The following RNASEK variants were observed in gnomAD, a reference collection of about 807,000 sequenced individuals.
The protein encoded by RNASEK is ribonuclease kappa.
A neutral mutation model predicts 11.2 loss-of-function variants in RNASEK; 7 were observed. That is an observed-to-expected ratio of 0.62 (90% CI 0.35 to 1.17). The LOEUF (loss-of-function observed/expected upper bound fraction) is 1.17. RNASEK is among the 50% of genes most tolerant of loss of function. The pLI, the probability that RNASEK is intolerant of heterozygous loss-of-function variation, is 0.02. For missense variants in RNASEK, 101 were observed against 126.7 expected, an observed-to-expected ratio of 0.80 and a Z score of 0.97; for synonymous variants, 46 against 49.5, an observed-to-expected ratio of 0.93 and a Z score of 0.30.
At chr17:7,013,996 G>C in intron 2 of RNASEK, 149 bp from the exon 3 acceptor site, 2 of 781,868 alleles carry the variant, frequency 2.6e-6, no homozygotes, top group East Asian at 2.7e-5. Context: ...CTGCAAAATG[G>C]CTATGACAGA....
chr17:7,013,147 CTG>C (rs1444285388), intron 1 of RNASEK: 21 of 504,172 alleles, frequency 4.2e-5, no homozygotes, highest in Non-Finnish European at 6.6e-5. Flanking sequence ...AAAAAGGGAA[CTG>C]GAGCGGAGGG....
chr17:7,014,380 TC>T lies in RNASEK; in HGVS notation c.*95del. The T allele has an allele frequency of 1.5e-6, 2 of 1,378,920 alleles. No homozygotes were observed. 85.4% of individuals were successfully genotyped at this position (1,378,920 alleles called of 1,614,324 possible). On this transcript the variant is annotated 3_prime_UTR_variant, in exon 3 of 3. Coordinates refer to ENST00000593646, the MANE Select transcript of RNASEK (RefSeq NM_001004333.5). This position sits in a 1 kb window ranked among gnomAD's most constrained non-coding sequence, Gnocchi z 4.5. ...TCGCGTCCCACCCTTGCCGGCGCCCTCTGCGGGACTGGGTTTCCCGGGCGAG... is the reference window on the plus strand; with the variant it reads ...TCGCGTCCCACCCTTGCCGGCGCCCTTGCGGGACTGGGTTTCCCGGGCGAG...
At position 7,013,856 on chromosome 17, in the gene RNASEK, G is replaced by C; in HGVS notation, c.155+114G>C. 4 of 908,054 alleles carry C rather than the reference G, an allele frequency of 4.4e-6. No individual in the cohort carries two copies. In the South Asian group the frequency reaches 5.4e-5, roughly 12 times the overall value. 56.2% of individuals were successfully genotyped at this position (908,054 alleles called of 1,614,324 possible). A position where few individuals can be genotyped will look rare whatever the true frequency, so the allele number is the denominator to read the frequency against. On this transcript the variant is annotated intron_variant, in intron 2 of 2. Transcript: ENST00000593646. ...TAGGGCCCCTAGGTTAGAGGACTTG[G>C]AGAGGAGAGCGGCTTTCTTGAGAAT...
intron 1 of RNASEK, chr17:7,013,360 A>C (rs1475289178): frequency 3.3e-6 from 5 of 1,530,282 alleles, no homozygotes; most frequent in Non-Finnish European, 4.4e-6. Context: ...GATATGAAGA[A>C]GTGCCGGTTC....
rs1464407241 is a variant in RNASEK at position 7,013,432 on chromosome 17, G to A, written c.79-234G>A. 4 of 1,536,606 alleles carry A rather than the reference G, an allele frequency of 2.6e-6. No individual in the cohort carries two copies. In the East Asian group the frequency reaches 7.3e-5, roughly 28 times the overall value. On this transcript the variant is annotated intron_variant, in intron 1 of 2. Transcript: ENST00000593646. ...GCCTCCAGAGAGGACGATAATCTGG[G>A]TTCCTGGGAGAGATGGCTTGGTCAC...
At chr17:7,013,540 C>T in intron 1 of RNASEK, 126 bp from the exon 2 acceptor site, 2 of 1,606,668 alleles carry the variant, frequency 1.2e-6, no homozygotes, top group Middle Eastern at 1.7e-4. Flanking sequence ...AATCCAGTAA[C>T]CACCACCTCG....
At chr17:7,013,049 CG>C (rs1473596616) in intron 1 of RNASEK, 2 of 464,052 alleles carry the variant, frequency 4.3e-6, no homozygotes, top group Non-Finnish European at 7.7e-6. Context: ...CGCTTGAATC[CG>C]GGAGGCGGAG....
In RNASEK at chr17:7,013,111, C is replaced by A. The variant is rs148138809; in HGVS notation, c.78+350C>A. 2.1e-3 allele frequency: 942 copies of A among 448,286 alleles called. 5 individuals are homozygous for A. Among genetic ancestry groups the A allele is most frequent in the African/African-American group, 0.014 (702 of 50,244 alleles). 27.8% of individuals were successfully genotyped at this position (448,286 alleles called of 1,614,324 possible). A position where few individuals can be genotyped will look rare whatever the true frequency, so the allele number is the denominator to read the frequency against. ...CTGCACTCCAGCCTGGGTGACAGAG[C>A]GAGACTCCGTCCCCAAAGAAAAAGA... On this transcript the variant is annotated intron_variant, in intron 1 of 2. Transcript: ENST00000593646.
intron 1 of RNASEK, 93 bp from the exon 2 acceptor site, chr17:7,013,573 G>A (rs903409739): frequency 1.9e-6 from 3 of 1,606,018 alleles, no homozygotes; most frequent in Non-Finnish European, 2.6e-6. Context: ...TCAGGCTCGG[G>A]TGTTGTAGCA....
At chr17:7,013,357 A>G (rs1909562975) in intron 1 of RNASEK, 1 of 1,530,054 alleles carries the variant, frequency 6.5e-7, no homozygotes, top group Admixed American at 2.0e-5. Context: ...AATGATATGA[A>G]GAAGTGCCGG....
intron 1 of RNASEK, chr17:7,013,224 CG>C: frequency 1.1e-6 from 1 of 905,804 alleles, no homozygotes; most frequent in Non-Finnish European, 1.6e-6. Flanking sequence ...GAAACAAGAG[CG>C]GGGTGCCTGA....
At position 7,014,104 on chromosome 17, in the gene RNASEK, C is replaced by T; in HGVS notation, c.156-41C>T. 2 of 1,545,592 alleles carry T rather than the reference C, an allele frequency of 1.3e-6. No individual in the cohort carries two copies. The highest frequency in any genetic ancestry group is 2.4e-5 in the East Asian group (1 of 40,874). On this transcript the variant is annotated intron_variant, in intron 2 of 2. Coordinates refer to ENST00000593646, the MANE Select transcript of RNASEK (RefSeq NM_001004333.5). This position sits in a 1 kb window ranked among gnomAD's most constrained non-coding sequence, Gnocchi z 4.5. ...ACATAGTGCTCAGAAAATGTTGGCT[C>T]CTATTAAAGTTTGACCCCTTTGCTT... is the stretch of plus-strand genomic sequence containing the variant.
intron 1 of RNASEK, chr17:7,013,350 G>A (rs1184985360): frequency 3.3e-6 from 5 of 1,528,460 alleles, no homozygotes; most frequent in East Asian, 4.9e-5. Context: ...AAGAAGAAAT[G>A]ATATGAAGAA....
chr17:7,013,866 C>T, intron 2 of RNASEK, 124 bp downstream of exon 2: 2 of 859,218 alleles, frequency 2.3e-6, no homozygotes, highest in Non-Finnish European at 3.9e-6. Context: ...GAGAGGAGAG[C>T]GGCTTTCTTG....
rs758855861 is a variant in RNASEK, at chr17:7,012,741, GC to G, written c.60del (p.Trp21GlyfsTer3). The stretch of plus-strand genomic sequence containing the variant: ...GGCCGCCTGCGGCATCGTCCTCAGC[GC>G]CTGGGGAGTGATCATGTTGGTGAGG... ...KLAACGIVLSAWGVIMLIMLG... is the reference protein window; with the variant it reads ...KLAACGIVLSXWGVIMLIMLG... On this transcript the variant is annotated frameshift_variant, in exon 1 of 3. Coordinates refer to ENST00000593646, the MANE Select transcript of RNASEK (RefSeq NM_001004333.5). LOFTEE classifies it high-confidence loss of function. 2.5e-6 allele frequency: 4 copies of G among 1,613,018 alleles called. No homozygotes were observed.
intron 2 of RNASEK, 183 bp downstream of exon 2, chr17:7,013,925 C>T (rs561884158): frequency 4.3e-6 from 3 of 699,148 alleles, no homozygotes; most frequent in East Asian, 5.3e-5. Context: ...CCATCCCAAA[C>T]CCACCACCTT....
At chr17:7,013,268 GAA>G (rs1909554152) in intron 1 of RNASEK, 1 of 1,364,334 alleles carries the variant, frequency 7.3e-7, no homozygotes, top group East Asian at 2.5e-5. Context: ...GACATGGGAG[GAA>G]AAGAGAGTGC....
Position 7,013,440 on chromosome 17 carries a change from G to A in RNASEK, c.79-226G>A, listed in dbSNP as rs549383061. On this transcript the variant is annotated intron_variant, in intron 1 of 2. Coordinates refer to ENST00000593646, the MANE Select transcript of RNASEK (RefSeq NM_001004333.5). ...AGAGGACGATAATCTGGGTTCCTGG[G>A]AGAGATGGCTTGGTCACTATTCCCA... is the stretch of plus-strand genomic sequence containing the variant. The A allele has an allele frequency of 9.8e-6, 15 of 1,537,090 alleles. No homozygotes were observed. In the Admixed American group the frequency reaches 9.8e-5, roughly 10 times the overall value.
At chr17:7,013,564 C>T in intron 1 of RNASEK, 102 bp from the exon 2 acceptor site, 1 of 1,606,780 alleles carries the variant, frequency 6.2e-7, no homozygotes, top group Non-Finnish European at 8.5e-7. Context: ...TGGTTAATCT[C>T]AGGCTCGGGT....
Sources: allele counts gnomAD v4.1 joint callset, GRCh38; gene constraint gnomAD v4.1.1; non-coding constraint Gnocchi (gnomAD v3.1); transcripts MANE v1.5; gene names NCBI Gene and HGNC (gene_info 2026-07-23, HGNC 2026-07-21).